Variants in BNC2 observed in about 807,000 individuals in gnomAD.
The protein encoded by BNC2 is zinc finger protein basonuclin-2.
A neutral mutation model predicts 76.3 loss-of-function variants in BNC2; 20 were observed. The ratio of observed to expected loss-of-function variants is 0.26; its 90% CI spans 0.18 to 0.38. BNC2 has a LOEUF of 0.38. Among genes scored for constraint, BNC2 ranks in the 10% least tolerant of loss-of-function variants. The probability of loss-of-function intolerance (pLI) is 1.00; values close to 1 mark genes in which losing one functional copy is unlikely to be tolerated. For synonymous variants in BNC2, 582 were observed against 514.8 expected (o/e 1.13, Z -1.77); for missense variants, 1,382 against 1,399.8 (o/e 0.99, Z 0.20).
intron 1 of BNC2, among the ~76,000 whole-genome samples, chr9:16,740,313 A>G (rs890000529): frequency 4.6e-5 from 7 of 152,216 alleles, no homozygotes; most frequent in Non-Finnish European, 8.8e-5. Context: ...TTAAGGATGG[A>G]AAATGGGGAA....
chr9:16,755,222 A>G (rs1399477149), intron 1 of BNC2, among the ~76,000 whole-genome samples: 1 of 152,220 alleles, frequency 6.6e-6, no homozygotes, highest in African/African-American at 2.4e-5. Flanking sequence ...ATGAGAAGAC[A>G]CATGGCCTCA....
intron 1 of BNC2, among the ~76,000 whole-genome samples, chr9:16,823,601 T>C (rs1818389522): frequency 6.7e-6 from 1 of 148,180 alleles, no homozygotes; most frequent in Admixed American, 6.7e-5. Flanking sequence ...AGATCCTGTT[T>C]CAAAAAAAAA....
intron 3 of BNC2, among the ~76,000 whole-genome samples, chr9:16,680,299 T>C (rs1311494391): frequency 4.6e-5 from 7 of 152,154 alleles, no homozygotes; most frequent in Admixed American, 3.3e-4. Flanking sequence ...ACTTTTTCTA[T>C]GTTGATTCTG....
chr9:16,583,173 AT>A, intron 3 of BNC2, 88 bp from the exon 4 acceptor site: 2 of 1,065,874 alleles, frequency 1.9e-6, no homozygotes, highest in Middle Eastern at 2.0e-4. Flanking sequence ...GCCCACTTCT[AT>A]TTTTAAAGAT....
At chr9:16,804,364 G>T (rs1262182026) in intron 1 of BNC2, among the ~76,000 whole-genome samples, 2 of 152,190 alleles carry the variant, frequency 1.3e-5, no homozygotes, top group Non-Finnish European at 2.9e-5. Context: ...GAAACACATG[G>T]AAGTTAACTG....
intron 5 of BNC2, among the ~76,000 whole-genome samples, chr9:16,479,390 T>G (rs1025668921): frequency 6.6e-6 from 1 of 152,188 alleles, no homozygotes. Context: ...AACTGCTATC[T>G]CTCATGCCAA....
At chr9:16,532,424 T>C (rs538937680) in intron 5 of BNC2, among the ~76,000 whole-genome samples, 35 of 152,216 alleles carry the variant, frequency 2.3e-4, no homozygotes, top group African/African-American at 6.7e-4. Flanking sequence ...ATGGCTGCTT[T>C]TCCTCCCTGG....
intron 5 of BNC2, among the ~76,000 whole-genome samples, chr9:16,456,585 G>C (rs1415326259): frequency 6.6e-6 from 1 of 150,924 alleles, no homozygotes; most frequent in Admixed American, 6.6e-5. Flanking sequence ...AGCAGGTAAA[G>C]TCACTGGTGG....
At chr9:16,525,139 CATTGATAACTAG>C (rs1817758308) in intron 5 of BNC2, among the ~76,000 whole-genome samples, 1 of 116,012 alleles carries the variant, frequency 8.6e-6, no homozygotes, top group African/African-American at 4.3e-5. Context: ...TAGTAGATAA[CATTGATAACTAG>C]ATAACATTAA....
In BNC2 at chr9:16,563,337, G is replaced by A. The variant is rs565038172; in HGVS notation, c.434-10572C>T. ...TGAAGACTAACGATTAAATTTATAG[G>A]GCAGGACTTGGTCGCTCATGCCTAT... On this transcript the variant is annotated intron_variant, in intron 4 of 6. Coordinates refer to ENST00000380672, the MANE Select transcript of BNC2 (RefSeq NM_017637.6). 3.3e-5 allele frequency among the ~76,000 whole-genome samples: 5 copies of A among 151,978 alleles called. No individual in the cohort carries two copies. The East Asian group carries it at 9.7e-4, about 29-fold the overall frequency.
chr9:16,443,420 G>C (rs1821169630), intron 5 of BNC2, among the ~76,000 whole-genome samples: 1 of 151,918 alleles, frequency 6.6e-6, no homozygotes, highest in African/African-American at 2.4e-5. Flanking sequence ...TTTTCCTTCT[G>C]GGTTAATTCA....
chr9:16,718,927 C>T (rs979852240), intron 3 of BNC2, among the ~76,000 whole-genome samples: 1 of 152,154 alleles, frequency 6.6e-6, no homozygotes, highest in Non-Finnish European at 1.5e-5. Context: ...CATAATGTGG[C>T]AATATGGGAT....
intron 1 of BNC2, among the ~76,000 whole-genome samples, chr9:16,765,845 G>T (rs1825676027): frequency 6.6e-6 from 1 of 150,878 alleles, no homozygotes; most frequent in Admixed American, 6.6e-5. Context: ...GGAGTGCAGT[G>T]GCACGATCTC....
intron 1 of BNC2, among the ~76,000 whole-genome samples, chr9:16,758,191 A>ATT (rs77956757): frequency 0.091 from 13,885 of 152,120 alleles, 810 homozygotes; most frequent in Admixed American, 0.19. Context: ...CTCTCTTACT[A>ATT]TTCTTCCATG....
chr9:16,539,770 A>AAAGGAAAGGG (rs1818258952), intron 5 of BNC2, among the ~76,000 whole-genome samples: 4 of 57,110 alleles, frequency 7.0e-5, no homozygotes, highest in Admixed American at 4.6e-4. Context: ...AAAGGAAAAG[A>AAAGGAAAGGG]AAGGAAAGGA....
chr9:16,701,803 G>T lies in BNC2; in HGVS notation c.330+25994C>A, dbSNP rs376425580. ...CTGAAAATACAAAAATTAGCCAGGCGTGGTGGCAGGCACCTGTAATCCAAG... is the reference window on the plus strand; with the variant it reads ...CTGAAAATACAAAAATTAGCCAGGCTTGGTGGCAGGCACCTGTAATCCAAG... On this transcript the variant is annotated intron_variant, in intron 3 of 6. Transcript: ENST00000380672. Among the ~76,000 whole-genome samples, 57 of 151,962 alleles carry T rather than the reference G, an allele frequency of 3.8e-4. No individual in the cohort carries two copies. The East Asian group carries it at 9.0e-3, about 24-fold the overall frequency.
chr9:16,521,746 T>C (rs1319139084), intron 5 of BNC2, among the ~76,000 whole-genome samples: 2 of 152,182 alleles, frequency 1.3e-5, no homozygotes, highest in African/African-American at 2.4e-5. Flanking sequence ...AAACTCCATA[T>C]CATGTTAAAT....
At chr9:16,850,776 T>A (rs1819109087) in intron 1 of BNC2, among the ~76,000 whole-genome samples, 1 of 151,282 alleles carries the variant, frequency 6.6e-6, no homozygotes, top group Non-Finnish European at 1.5e-5. Flanking sequence ...CCGGTCAGGG[T>A]GACAGAGGGA....
rs1586998893 is a variant in BNC2 at position 16,412,157 on chromosome 9, C to T, written c.*6832G>A. The T allele has an allele frequency of 6.6e-6, 1 of 152,634 alleles. No homozygotes were observed. Among genetic ancestry groups the T allele is most frequent in the South Asian group, 2.1e-4 (1 of 4,828 alleles). 9.5% of individuals were successfully genotyped at this position (152,634 alleles called of 1,614,324 possible). On this transcript the variant is annotated 3_prime_UTR_variant, in exon 7 of 7. Transcript: ENST00000380672. ...TTCAAAGTGGAGAATTTACCTTTTA[C>T]TCATAGGGTGGTCCTTGTTTTAACG...
Sources: allele counts gnomAD v4.1 joint callset (sites outside exome capture counted in the v4.1 genomes callset), GRCh38; gene constraint gnomAD v4.1.1; transcripts MANE v1.5; gene names NCBI Gene and HGNC (gene_info 2026-07-23, HGNC 2026-07-21).